FABP12: variants seen among roughly 807,000 people sequenced by gnomAD.
FABP12 encodes fatty acid-binding protein 12.
In FABP12, 19 loss-of-function variants were observed where a neutral mutation model predicts 13.7. That is an observed-to-expected ratio of 1.39 (90% CI 0.97 to 2.04). The LOEUF is 2.04. FABP12 is among the 30% of genes most tolerant of loss of function. The probability of loss-of-function intolerance (pLI) is 0.00; values close to 1 mark genes in which losing one functional copy is unlikely to be tolerated. For missense variants in FABP12, 182 were observed against 164.2 expected (o/e 1.11, Z -0.59); for synonymous variants, 61 against 57.0 (o/e 1.07, Z -0.32).
upstream of FABP12, among the ~76,000 whole-genome samples, chr8:81,538,452 CTG>C (rs1322020135): frequency 6.6e-6 from 1 of 152,178 alleles, no homozygotes; most frequent in Non-Finnish European, 1.5e-5. Flanking sequence ...CAGGTTGAGA[CTG>C]TATTGGATTT....
At chr8:81,563,282 C>G (rs1049584134) in intron 1 of FABP12, among the ~76,000 whole-genome samples, 1 of 152,188 alleles carries the variant, frequency 6.6e-6, no homozygotes, top group Non-Finnish European at 1.5e-5. Context: ...GCATGCAAGT[C>G]CCTTCAAATA....
At chr8:81,574,963 A>G (rs1281743362) in intron 1 of FABP12, among the ~76,000 whole-genome samples, 1 of 143,868 alleles carries the variant, frequency 7.0e-6, no homozygotes, top group Non-Finnish European at 1.5e-5. Context: ...TTCTGCTCTG[A>G]TCTTGGTTAT....
intron 1 of FABP12, among the ~76,000 whole-genome samples, chr8:81,570,982 C>A (rs1809921114): frequency 6.6e-6 from 1 of 152,136 alleles, no homozygotes; most frequent in East Asian, 1.9e-4. Context: ...CCTCCTGCCA[C>A]CGTCCATGGC....
intron 1 of FABP12, among the ~76,000 whole-genome samples, chr8:81,556,277 T>G (rs1563551195): frequency 6.6e-6 from 1 of 152,212 alleles, no homozygotes. Flanking sequence ...AGAAGGCATG[T>G]TATTGAATGT....
chr8:81,539,530 C>A (rs1215537961), intron 2 of FABP12, among the ~76,000 whole-genome samples: 4 of 129,976 alleles, frequency 3.1e-5, no homozygotes, highest in Non-Finnish European at 6.2e-5. Context: ...CATACAACAT[C>A]TTTTGCGTGA....
At chr8:81,544,524 T>C (rs762838176) in intron 1 of FABP12, among the ~76,000 whole-genome samples, 7 of 152,192 alleles carry the variant, frequency 4.6e-5, no homozygotes, top group Non-Finnish European at 5.9e-5. Context: ...AGTGTGGACA[T>C]ATTTTTTTGA....
At chr8:81,574,598 A>T (rs1162073820) in intron 1 of FABP12, among the ~76,000 whole-genome samples, 9 of 151,778 alleles carry the variant, frequency 5.9e-5, no homozygotes, top group Non-Finnish European at 1.3e-4. Context: ...TTTTGTTGGT[A>T]ATTTTTTAAT....
At chr8:81,545,813 GTCAC>G (rs953294054) in intron 1 of FABP12, among the ~76,000 whole-genome samples, 6 of 152,094 alleles carry the variant, frequency 3.9e-5, no homozygotes, top group African/African-American at 1.4e-4. Context: ...CTCATTCAGG[GTCAC>G]TCATTCTCCC....
chr8:81,537,551 A>G (rs1235332690), upstream of FABP12, among the ~76,000 whole-genome samples: 3 of 152,222 alleles, frequency 2.0e-5, no homozygotes, highest in African/African-American at 7.2e-5. Flanking sequence ...GAGAAAGTTC[A>G]CTAGAAAAAT....
At chr8:81,528,730 TATAA>T (rs1376896790) in intron 3 of FABP12, among the ~76,000 whole-genome samples, 2 of 152,176 alleles carry the variant, frequency 1.3e-5, no homozygotes, top group East Asian at 1.9e-4. Flanking sequence ...AATTACATAT[TATAA>T]ATAAATAATA....
chr8:81,540,537 A>G (rs535895433), intron 1 of FABP12, among the ~76,000 whole-genome samples: 16 of 152,328 alleles, frequency 1.1e-4, no homozygotes, highest in Admixed American at 2.6e-4. Context: ...ATTGAGGGAT[A>G]TTCTACAAAA....
intron 3 of FABP12, among the ~76,000 whole-genome samples, chr8:81,528,546 TC>T (rs1808970310): frequency 6.6e-6 from 1 of 152,186 alleles, no homozygotes; most frequent in Non-Finnish European, 1.5e-5. Context: ...GATATTATCC[TC>T]CATATAGTTT....
intron 1 of FABP12, among the ~76,000 whole-genome samples, chr8:81,573,195 T>C (rs905557618): frequency 2.6e-5 from 4 of 152,228 alleles, no homozygotes; most frequent in Admixed American, 6.5e-5. Flanking sequence ...GCACCATTTG[T>C]TGAAAAGGAT....
rs141756189 is a variant in FABP12 at position 81,589,075 on chromosome 8, G to C, written c.-185+978C>G. On this transcript the variant is annotated intron_variant, in intron 1 of 5. Coordinates refer to the FABP12 transcript ENST00000692030. Reference sequence around the variant, plus strand: ...GTAGGGATATATTTATGCCTTTCAAGATGCTGAAGGAACCAGCAACTAGAG... The same window carrying C: ...GTAGGGATATATTTATGCCTTTCAACATGCTGAAGGAACCAGCAACTAGAG... 4.6e-3 allele frequency among the ~76,000 whole-genome samples: 699 copies of C among 152,278 alleles called. 2 individuals carry two copies. Among genetic ancestry groups the C allele is most frequent in the East Asian group, 0.013 (69 of 5,166 alleles).
At chr8:81,583,050 A>C (rs1053712976) in intron 1 of FABP12, among the ~76,000 whole-genome samples, 1 of 152,166 alleles carries the variant, frequency 6.6e-6, no homozygotes, top group Non-Finnish European at 1.5e-5. Context: ...TAAAAAGAGA[A>C]ACATTGAAAC....
At chr8:81,577,243 C>T (rs1361091187) in intron 1 of FABP12, among the ~76,000 whole-genome samples, 4 of 152,086 alleles carry the variant, frequency 2.6e-5, no homozygotes, top group Admixed American at 2.0e-4. Context: ...TTAGTTTCTC[C>T]ACATTTGACA....
At chr8:81,570,896 C>CCAGCCTT (rs1809918451) in intron 1 of FABP12, among the ~76,000 whole-genome samples, 1 of 152,272 alleles carries the variant, frequency 6.6e-6, no homozygotes, top group South Asian at 2.1e-4. Flanking sequence ...AGCCCAGCCC[C>CCAGCCTT]CAGCCTTCAG....
At chr8:81,560,894 C>G (rs909888908) in intron 1 of FABP12, among the ~76,000 whole-genome samples, 1 of 152,190 alleles carries the variant, frequency 6.6e-6, no homozygotes. Context: ...AAGTAACCTC[C>G]GTGTTGAACT....
At chr8:81,559,745 G>C (rs557638178) in intron 1 of FABP12, among the ~76,000 whole-genome samples, 7 of 152,284 alleles carry the variant, frequency 4.6e-5, no homozygotes, top group Non-Finnish European at 7.3e-5. Flanking sequence ...GGTGAGCCTT[G>C]CAACACTACT....
Sources: gnomAD v4.1 joint callset for allele counts (sites outside exome capture counted in the v4.1 genomes callset) on GRCh38, gnomAD v4.1.1 for gene constraint, MANE v1.5 for transcripts, NCBI Gene and HGNC (gene_info 2026-07-23, HGNC 2026-07-21) for gene names.